LCLAT1: variants seen among roughly 807,000 people sequenced by gnomAD.
LCLAT1 encodes 1-AGP acyltransferase 8.
Under a neutral mutation model 30.7 loss-of-function variants are expected in LCLAT1, and 11 were observed. The observed-to-expected ratio is 0.36, with a 90% confidence interval of 0.23 to 0.59. The LOEUF (loss-of-function observed/expected upper bound fraction) is 0.59. Ranked by LOEUF, LCLAT1 falls within the 20% of genes least tolerant of loss-of-function variation. The pLI is 0.77. For synonymous variants in LCLAT1, 155 were observed against 151.3 expected (o/e 1.02, Z -0.18); for missense variants, 402 against 458.6 (o/e 0.88, Z 1.13).
chr2:30,525,803 C>T (rs1236117184), intron 2 of LCLAT1, 48 bp downstream of exon 2: 11 of 1,544,624 alleles, frequency 7.1e-6, no homozygotes, highest in Non-Finnish European at 9.8e-6. Context: ...AGAGTGCTCC[C>T]CACCCCTGAT....
rs1669289365 is a variant in LCLAT1 at position 30,641,231 on chromosome 2, C to G, written c.*612C>G. 6.6e-6 allele frequency: 1 copy of G among 152,200 alleles called. No individual in the cohort carries two copies. Among genetic ancestry groups the G allele is most frequent in the South Asian group, 2.1e-4 (1 of 4,822 alleles). 9.4% of individuals were successfully genotyped at this position (152,200 alleles called of 1,614,324 possible). A position where few individuals can be genotyped will look rare whatever the true frequency, so the allele number is the denominator to read the frequency against. On this transcript the variant is annotated 3_prime_UTR_variant, in exon 6 of 6. Transcript: ENST00000379509. ...CAAGACGTCAGAAGACCACCTGTGCCCTTTTCTCTCGTGGAAGATAAAACC... is the reference window on the plus strand; with the variant it reads ...CAAGACGTCAGAAGACCACCTGTGCGCTTTTCTCTCGTGGAAGATAAAACC...
chr2:30,515,173 CT>C (rs1685123057), intron 1 of LCLAT1, among the ~76,000 whole-genome samples: 1 of 152,222 alleles, frequency 6.6e-6, no homozygotes, highest in African/African-American at 2.4e-5. Context: ...CCCACAACCA[CT>C]TTTCCTCCAA....
At chr2:30,469,296 A>G (rs1156494395) in intron 1 of LCLAT1, among the ~76,000 whole-genome samples, 2 of 151,932 alleles carry the variant, frequency 1.3e-5, no homozygotes, top group Middle Eastern at 6.8e-3. Context: ...CTGGTGTCAC[A>G]TGTAACAATC....
At chr2:30,546,089 A>G (rs1434182276) in intron 3 of LCLAT1, among the ~76,000 whole-genome samples, 8 of 152,180 alleles carry the variant, frequency 5.3e-5, no homozygotes, top group Admixed American at 5.2e-4. Context: ...ATTGTGATAT[A>G]TCTAGATTAT....
At chr2:30,527,564 T>C (rs1211692462) in intron 2 of LCLAT1, among the ~76,000 whole-genome samples, 1 of 152,190 alleles carries the variant, frequency 6.6e-6, no homozygotes, top group Non-Finnish European at 1.5e-5. Context: ...AGCAGAGTGC[T>C]TATTTTCACA....
At position 30,539,248 on chromosome 2, in the gene LCLAT1, C is replaced by CTTTT. The variant is rs72012748; in HGVS notation, c.364+5956_364+5959dup. Among the ~76,000 whole-genome samples the CTTTT allele has an allele frequency of 5.4e-3, 494 of 90,820 alleles. 3 individuals are homozygous for CTTTT. Among genetic ancestry groups the CTTTT allele is most frequent in the South Asian group, 0.013 (30 of 2,292 alleles). The allele number at this position is 90,820 out of a possible 152,430, so 59.6% of individuals were successfully genotyped here. A position where few individuals can be genotyped will look rare whatever the true frequency, so the allele number is the denominator to read the frequency against. The stretch of plus-strand genomic sequence containing the variant: ...ACAGGCTTGAGCCACCGCGCCAGGC[C>CTTTT]TTTTTTTTTTTTTTTTTTTTTTTTT... On this transcript the variant is annotated intron_variant, in intron 3 of 5. Transcript: ENST00000379509.
At chr2:30,515,693 G>A (rs182140851) in intron 1 of LCLAT1, among the ~76,000 whole-genome samples, 1 of 152,216 alleles carries the variant, frequency 6.6e-6, no homozygotes, top group African/African-American at 2.4e-5. Flanking sequence ...TTTTAAAACT[G>A]CACTTAGTTT....
intron 5 of LCLAT1, among the ~76,000 whole-genome samples, chr2:30,577,869 C>T (rs12993664): frequency 3.3e-5 from 5 of 151,644 alleles, no homozygotes; most frequent in African/African-American, 9.7e-5. Context: ...TTTTGATGGC[C>T]GAAATATTTT....
intron 1 of LCLAT1, among the ~76,000 whole-genome samples, chr2:30,521,626 C>T (rs1367129086): frequency 6.7e-5 from 10 of 150,262 alleles, no homozygotes; most frequent in Non-Finnish European, 1.3e-4. Flanking sequence ...TCTACCTCAC[C>T]CTCCCTAGTA....
At chr2:30,619,075 A>G (rs955597781) in intron 5 of LCLAT1, among the ~76,000 whole-genome samples, 4 of 152,176 alleles carry the variant, frequency 2.6e-5, no homozygotes, top group African/African-American at 9.7e-5. Flanking sequence ...TAGTACACCT[A>G]ATGACTTGGG....
At chr2:30,450,771 C>T (rs747036325) in intron 1 of LCLAT1, among the ~76,000 whole-genome samples, 8 of 152,050 alleles carry the variant, frequency 5.3e-5, no homozygotes, top group Non-Finnish European at 8.8e-5. Context: ...ACCATAAGCG[C>T]AAATAAAGGA....
chr2:30,560,409 G>A (rs1415616582), intron 3 of LCLAT1, among the ~76,000 whole-genome samples: 10 of 151,792 alleles, frequency 6.6e-5, no homozygotes, highest in Non-Finnish European at 1.3e-4. Context: ...TACGATCTCA[G>A]CTCACTGCAC....
chr2:30,631,349 C>T (rs945803856), intron 5 of LCLAT1, among the ~76,000 whole-genome samples: 2 of 152,168 alleles, frequency 1.3e-5, no homozygotes, highest in African/African-American at 4.8e-5. Flanking sequence ...TATTCCTGAA[C>T]CAGTCCCCAG....
At chr2:30,600,228 A>G (rs945282093) in intron 5 of LCLAT1, among the ~76,000 whole-genome samples, 2 of 152,196 alleles carry the variant, frequency 1.3e-5, no homozygotes, top group Non-Finnish European at 2.9e-5. Flanking sequence ...AAAACCATAC[A>G]ACTACATGGA....
intron 5 of LCLAT1, among the ~76,000 whole-genome samples, chr2:30,626,281 G>A (rs1432578545): frequency 1.3e-5 from 2 of 152,098 alleles, no homozygotes; most frequent in Admixed American, 6.5e-5. Context: ...AAACAAATTT[G>A]TTGGGCCCAA....
chr2:30,598,411 TTTC>T lies in LCLAT1; in HGVS notation c.628+30238_628+30240del, dbSNP rs1234290533. ...AAGAATTTATCCATTTCTTCTAGAT[TTTC>T]TTTTTTTTTTTTTTTATTTGCAGAG... On this transcript the variant is annotated intron_variant, in intron 5 of 5. Transcript: ENST00000379509. Among the ~76,000 whole-genome samples, 19 of 147,352 alleles carry T rather than the reference TTTC, an allele frequency of 1.3e-4. No homozygotes were observed. The East Asian group carries it at 2.4e-3, about 19-fold the overall frequency.
intron 1 of LCLAT1, among the ~76,000 whole-genome samples, chr2:30,513,594 C>T (rs1327594728): frequency 2.0e-5 from 3 of 152,094 alleles, no homozygotes; most frequent in African/African-American, 7.2e-5. Context: ...GTTTTGGATT[C>T]TTTTCTCTGT....
chr2:30,508,405 T>G (rs1222029805), intron 1 of LCLAT1, among the ~76,000 whole-genome samples: 1 of 152,116 alleles, frequency 6.6e-6, no homozygotes, highest in East Asian at 1.9e-4. Flanking sequence ...TAGTTTTGAG[T>G]TTTATATTTA....
intron 5 of LCLAT1, among the ~76,000 whole-genome samples, chr2:30,580,701 A>C (rs904405496): frequency 2.0e-5 from 3 of 152,144 alleles, no homozygotes; most frequent in Non-Finnish European, 4.4e-5. Flanking sequence ...GTTTTCTGAG[A>C]AATCAGTAGA....
Sources: allele counts gnomAD v4.1 joint callset (sites outside exome capture counted in the v4.1 genomes callset), GRCh38; gene constraint gnomAD v4.1.1; transcripts MANE v1.5; gene names NCBI Gene and HGNC (gene_info 2026-07-23, HGNC 2026-07-21).